The following SYTL3 variants were observed in gnomAD, a reference collection of about 807,000 sequenced individuals.
SYTL3 encodes the protein synaptotagmin like 3.
Under a neutral mutation model 82.1 loss-of-function variants are expected in SYTL3, and 88 were observed. The observed-to-expected ratio is 1.07, with a 90% CI of 0.90 to 1.28. SYTL3 has a LOEUF of 1.28. SYTL3 is among the 50% of genes most tolerant of loss of function. The pLI is 0.00. For synonymous variants in SYTL3, 311 were observed against 289.4 expected (o/e 1.07, Z -0.76); for missense variants, 831 against 757.6 (o/e 1.10, Z -1.14).
At chr6:158,731,156 C>T (rs535482077) in intron 11 of SYTL3, among the ~76,000 whole-genome samples, 14 of 151,906 alleles carry the variant, frequency 9.2e-5, no homozygotes, top group African/African-American at 2.7e-4. Flanking sequence ...TGGTGGCGGG[C>T]GCCTGTAATC....
At chr6:158,708,494 C>G in intron 8 of SYTL3, 103 bp downstream of exon 8, 2 of 1,109,876 alleles carry the variant, frequency 1.8e-6, no homozygotes, top group Non-Finnish European at 2.7e-6. Context: ...AACCTCCCAG[C>G]AAAGGGATCT....
chr6:158,663,414 T>C (rs755381449), intron 4 of SYTL3, 36 bp downstream of exon 4: 5 of 1,608,400 alleles, frequency 3.1e-6, no homozygotes, highest in Non-Finnish European at 3.4e-6. Context: ...CTTTGGGTGT[T>C]TAGCTTTCTC....
upstream of SYTL3, among the ~76,000 whole-genome samples, chr6:158,649,621 C>T (rs1787758021): frequency 6.6e-6 from 1 of 152,254 alleles, no homozygotes; most frequent in African/African-American, 2.4e-5. Flanking sequence ...TTACAATCTT[C>T]ATCGCTCTTG....
chr6:158,662,307 A>G (rs1026047662), intron 3 of SYTL3, among the ~76,000 whole-genome samples: 8 of 152,252 alleles, frequency 5.3e-5, no homozygotes, highest in African/African-American at 1.9e-4. Context: ...AACAAAAACA[A>G]GAGCTAATGC....
At chr6:158,702,569 A>C (rs1464619763) in intron 6 of SYTL3, among the ~76,000 whole-genome samples, 1 of 151,532 alleles carries the variant, frequency 6.6e-6, no homozygotes, top group East Asian at 2.0e-4. Context: ...AAAAGAAGTT[A>C]CTCAGCTTTC....
At chr6:158,702,963 G>A (rs1781491408) in intron 6 of SYTL3, among the ~76,000 whole-genome samples, 2 of 151,788 alleles carry the variant, frequency 1.3e-5, no homozygotes, top group Non-Finnish European at 2.9e-5. Context: ...GACCATCCTG[G>A]CTAATACGGT....
upstream of SYTL3, among the ~76,000 whole-genome samples, chr6:158,647,109 A>T (rs1787528921): frequency 6.6e-6 from 1 of 152,226 alleles, no homozygotes; most frequent in African/African-American, 2.4e-5. Flanking sequence ...GGAACTTCCT[A>T]ATTTAAATCA....
At chr6:158,754,911 C>T (rs181215442) in intron 13 of SYTL3, among the ~76,000 whole-genome samples, 5 of 152,314 alleles carry the variant, frequency 3.3e-5, no homozygotes, top group East Asian at 1.9e-4. Context: ...TTCTAGTAAC[C>T]GCTTCATTTC....
intron 6 of SYTL3, among the ~76,000 whole-genome samples, chr6:158,703,947 G>A (rs1026835716): frequency 6.6e-6 from 1 of 151,112 alleles, no homozygotes; most frequent in Non-Finnish European, 1.5e-5. Context: ...TCAGCCTCCC[G>A]AGTAGCTGCG....
At chr6:158,700,222 C>CTCCA (rs1404549009) in intron 6 of SYTL3, among the ~76,000 whole-genome samples, 2 of 152,114 alleles carry the variant, frequency 1.3e-5, no homozygotes, top group Non-Finnish European at 2.9e-5. Context: ...CACCATTGTA[C>CTCCA]TCCAGCCTGG....
At chr6:158,722,196 T>G (rs1476509855) in intron 10 of SYTL3, among the ~76,000 whole-genome samples, 1 of 152,078 alleles carries the variant, frequency 6.6e-6, no homozygotes, top group African/African-American at 2.4e-5. Context: ...GGTCTTACTT[T>G]GTCACCCAGG....
intron 5 of SYTL3, among the ~76,000 whole-genome samples, chr6:158,675,744 G>A (rs1777957463): frequency 1.3e-5 from 2 of 152,122 alleles, no homozygotes; most frequent in Non-Finnish European, 2.9e-5. Context: ...TCAGGAGATC[G>A]AGACCATCCT....
intron 10 of SYTL3, among the ~76,000 whole-genome samples, chr6:158,721,565 A>G (rs1784112409): frequency 6.6e-6 from 1 of 152,106 alleles, no homozygotes; most frequent in African/African-American, 2.4e-5. Flanking sequence ...GTACTCAGCA[A>G]TGATAGTATG....
At chr6:158,738,715 T>C (rs1786521601) in intron 11 of SYTL3, among the ~76,000 whole-genome samples, 1 of 152,212 alleles carries the variant, frequency 6.6e-6, no homozygotes, top group African/African-American at 2.4e-5. Context: ...TGGAGTACAG[T>C]GGTGCTATCT....
Position 158,763,334 on chromosome 6 carries a change from G to A in SYTL3, c.1548G>A (p.Leu516=). ...GCLTLPDQQK[L]RLKSPVLRKQ... is the part of the protein sequence containing the mutation. ...TCACTCTGCCAGACCAACAAAAACT[G>A]AGACTGAAGTCGCCAGTCCTGAGGA... The change falls in exon 17 of 18, where the codon CTG becomes CTA. Residue 516 remains leucine, a synonymous_variant. Transcript: ENST00000611299. 1.9e-6 allele frequency: 3 copies of A among 1,614,168 alleles called. No individual in the cohort carries two copies. Among genetic ancestry groups the A allele is most frequent in the Non-Finnish European group, 2.5e-6 (3 of 1,180,006 alleles).
At chr6:158,748,438 C>T (rs1215683083) in intron 12 of SYTL3, among the ~76,000 whole-genome samples, 3 of 152,040 alleles carry the variant, frequency 2.0e-5, no homozygotes, top group Non-Finnish European at 4.4e-5. Flanking sequence ...TAGTCTTTGC[C>T]CCAAAAGTAT....
rs1790542521 is a variant in SYTL3 at position 158,764,548 on chromosome 6, C to T, written c.1777C>T (p.Gln593Ter). The T allele has an allele frequency of 6.2e-7, 1 of 1,614,016 alleles. No homozygotes were observed. The highest frequency in any genetic ancestry group is 1.3e-5 in the African/African-American group (1 of 74,912). ...DACSLSKLQWQKVLSSPNLWT... is the reference protein window; with the variant it reads ...DACSLSKLQW The stretch of plus-strand genomic sequence containing the variant: ...ATGCTCACTATCGAAGCTCCAGTGG[C>T]AGAAAGTCCTTTCCAGCCCCAATCT... The change falls in exon 18 of 18, where the codon CAG becomes TAG. Residue 593 changes from glutamine (Q) to a stop codon, truncating the protein, a stop_gained. Coordinates refer to ENST00000611299, the MANE Select transcript of SYTL3 (RefSeq NM_001242394.2). LOFTEE classifies it high-confidence loss of function.
At chr6:158,729,085 T>C (rs1297063036) in intron 11 of SYTL3, among the ~76,000 whole-genome samples, 1 of 152,182 alleles carries the variant, frequency 6.6e-6, no homozygotes, top group Admixed American at 6.5e-5. Context: ...ATTGAGTGTT[T>C]ACTTTTTTGC....
chr6:158,725,605 C>A lies in SYTL3; in HGVS notation c.823C>A (p.Pro275Thr), dbSNP rs1784621773. Residue 275 changes from proline to threonine, a missense_variant, in exon 11 of 18, where the codon CCC (proline) becomes ACC (threonine). Coordinates refer to ENST00000611299, the MANE Select transcript of SYTL3 (RefSeq NM_001242394.2). ...KQQNLPSSPA[P>T]STIFSGGFRH... ...ACAGAATCTCCCATCCAGTCCGGCA[C>A]CCAGTACCATATTCTCTGGAGGTTT... The A allele has an allele frequency of 1.9e-6, 3 of 1,614,230 alleles. No individual in the cohort carries two copies. Among genetic ancestry groups the A allele is most frequent in the Non-Finnish European group, 2.5e-6 (3 of 1,180,044 alleles).
Sources: gnomAD v4.1 joint callset for allele counts (sites outside exome capture counted in the v4.1 genomes callset) on GRCh38, gnomAD v4.1.1 for gene constraint, MANE v1.5 for transcripts, NCBI Gene and HGNC (gene_info 2026-07-23, HGNC 2026-07-21) for gene names.